Variants in RHBDD1 observed in about 807,000 individuals in gnomAD.
RHBDD1 encodes the protein rhomboid-related protein 4.
RHBDD1 carries 38 observed loss-of-function variants against 36.3 expected under a neutral mutation model. That is an observed-to-expected ratio of 1.05 (90% confidence interval 0.81 to 1.37). The LOEUF (loss-of-function observed/expected upper bound fraction) is 1.37. Among genes scored for constraint, RHBDD1 ranks in the 40% most tolerant of loss-of-function variants. The pLI, the probability that RHBDD1 is intolerant of heterozygous loss-of-function variation, is 0.00. For missense variants in RHBDD1, 393 were observed against 377.6 expected (o/e 1.04, Z -0.34); for synonymous variants, 151 against 136.5 (o/e 1.11, Z -0.74).
At chr2:226,888,465 C>G (rs542063337) in intron 5 of RHBDD1, among the ~76,000 whole-genome samples, 57 of 151,202 alleles carry the variant, frequency 3.8e-4, no homozygotes, top group Middle Eastern at 6.8e-3. Flanking sequence ...ACTTAAAAAT[C>G]CAAACCACCA....
At position 226,918,114 on chromosome 2, in the gene RHBDD1, A is replaced by G. The variant is rs367612275; in HGVS notation, c.856+3763A>G. ...AAAGACTTATAAGTGACCAGTGTGC[A>G]TCTAAAAATAATTTGCTGTATATTA... On this transcript the variant is annotated intron_variant, in intron 8 of 8. Coordinates refer to ENST00000392062, the MANE Select transcript of RHBDD1 (RefSeq NM_001167608.3). Among the ~76,000 whole-genome samples the G allele has an allele frequency of 3.9e-4, 60 of 152,204 alleles. No individual in the cohort carries two copies. The South Asian group carries it at 9.3e-3, about 24-fold the overall frequency.
chr2:226,959,971 T>C (rs1048177779), intron 8 of RHBDD1, among the ~76,000 whole-genome samples: 1 of 152,092 alleles, frequency 6.6e-6, no homozygotes, highest in Admixed American at 6.5e-5. Context: ...TACAGGCACC[T>C]GCCACCATGC....
chr2:226,820,120 C>CT, the RHBDD1 span, among the ~76,000 whole-genome samples: 1 of 151,860 alleles, frequency 6.6e-6, no homozygotes, highest in East Asian at 1.9e-4. Flanking sequence ...GAACTAGTTA[C>CT]TTTGTTTCTG....
At chr2:226,967,046 G>T (rs943436426) in intron 8 of RHBDD1, among the ~76,000 whole-genome samples, 3 of 152,142 alleles carry the variant, frequency 2.0e-5, no homozygotes, top group Non-Finnish European at 4.4e-5. Context: ...CTGGGATGAG[G>T]TCTGAGAATT....
At chr2:226,893,859 C>CTCA (rs376172323) in intron 5 of RHBDD1, among the ~76,000 whole-genome samples, 202 of 152,312 alleles carry the variant, frequency 1.3e-3, no homozygotes, top group African/African-American at 4.4e-3. Flanking sequence ...CACAGCACTA[C>CTCA]TGACCCCCAG....
intron 5 of RHBDD1, among the ~76,000 whole-genome samples, chr2:226,891,372 A>G (rs1362401292): frequency 1.3e-5 from 2 of 152,216 alleles, no homozygotes; most frequent in Non-Finnish European, 2.9e-5. Flanking sequence ...TTCCTTCAGC[A>G]AAGAAGAGTC....
intron 8 of RHBDD1, among the ~76,000 whole-genome samples, chr2:226,937,412 G>A (rs1013051627): frequency 6.6e-6 from 1 of 151,942 alleles, no homozygotes; most frequent in African/African-American, 2.4e-5. Flanking sequence ...TTTAATTTGA[G>A]CCTTTCTAAT....
At chr2:226,865,721 G>A (rs994765615) in intron 4 of RHBDD1, among the ~76,000 whole-genome samples, 17 of 152,166 alleles carry the variant, frequency 1.1e-4, no homozygotes, top group African/African-American at 4.1e-4. Flanking sequence ...TACAAACCTA[G>A]GAATCACATG....
At chr2:226,821,457 G>A in the RHBDD1 span, among the ~76,000 whole-genome samples, 3 of 151,834 alleles carry the variant, frequency 2.0e-5, no homozygotes, top group South Asian at 6.2e-4. Context: ...CCTGCCCCCT[G>A]CCCCATGACT....
chr2:226,984,582 C>G lies in RHBDD1; in HGVS notation c.857-10849C>G, dbSNP rs570884893. Among the ~76,000 whole-genome samples, 68 of 152,306 alleles carry G rather than the reference C, an allele frequency of 4.5e-4. 1 individual carries two copies. Among genetic ancestry groups the G allele is most frequent in the Middle Eastern group, 6.8e-3 (2 of 294 alleles). On this transcript the variant is annotated intron_variant, in intron 8 of 8. Transcript: ENST00000392062. Reference sequence around the variant, plus strand: ...TTTTGAGGGAACACAAATATTGAGTCCATGACAGCCTTCGTGACCTCTCTG... The same window carrying G: ...TTTTGAGGGAACACAAATATTGAGTGCATGACAGCCTTCGTGACCTCTCTG...
At chr2:226,805,131 A>G in the RHBDD1 span, 3 of 152,162 alleles carry the variant, frequency 2.0e-5, no homozygotes, top group East Asian at 3.8e-4. Flanking sequence ...CTGCCAGTCA[A>G]TTTGTTATCT....
rs145622652 is a variant in RHBDD1 at position 226,849,008 on chromosome 2, ATTTC to A, written c.-91+9385_-91+9388del. Among the ~76,000 whole-genome samples, 379 of 152,186 alleles carry A rather than the reference ATTTC, an allele frequency of 2.5e-3. 1 individual carries two copies. The highest frequency in any genetic ancestry group is 8.0e-3 in the African/African-American group (334 of 41,514). The stretch of plus-strand genomic sequence containing the variant: ...AACTATCAATCAGTAGCAAAATGGG[ATTTC>A]TTTTTCAGTCATTAAAAAATAGCTG... On this transcript the variant is annotated intron_variant, in intron 3 of 8. Transcript: ENST00000392062.
intron 8 of RHBDD1, among the ~76,000 whole-genome samples, chr2:226,921,743 T>A (rs1220926839): frequency 2.0e-5 from 3 of 152,208 alleles, no homozygotes; most frequent in Non-Finnish European, 4.4e-5. Flanking sequence ...TATACTTTTT[T>A]GTGGCCTAAC....
intron 8 of RHBDD1, among the ~76,000 whole-genome samples, chr2:226,926,551 C>G (rs1949684229): frequency 6.6e-6 from 1 of 152,140 alleles, no homozygotes; most frequent in Non-Finnish European, 1.5e-5. Flanking sequence ...TATATTGGCA[C>G]TTACATTTGA....
the RHBDD1 span, among the ~76,000 whole-genome samples, chr2:226,801,288 G>C: frequency 1.3e-5 from 2 of 152,318 alleles, no homozygotes; most frequent in East Asian, 3.9e-4. Context: ...CTGATTGGTG[G>C]GATGGCCTGT....
chr2:226,919,148 G>A (rs1172086710), intron 8 of RHBDD1, among the ~76,000 whole-genome samples: 1 of 151,880 alleles, frequency 6.6e-6, no homozygotes, highest in South Asian at 2.1e-4. Context: ...CTTTTGCACA[G>A]TTTAAAAATT....
At chr2:226,904,414 C>CGGGGGGGGGGGGG (rs1294372074) in intron 5 of RHBDD1, among the ~76,000 whole-genome samples, 1 of 46,590 alleles carries the variant, frequency 2.1e-5, no homozygotes, top group African/African-American at 9.5e-5. Context: ...ATCCTGCAAG[C>CGGGGGGGGGGGGG]GGGGGGGGAG....
the RHBDD1 span, among the ~76,000 whole-genome samples, chr2:226,830,328 C>G: frequency 1.3e-5 from 2 of 152,130 alleles, no homozygotes; most frequent in Non-Finnish European, 2.9e-5. Flanking sequence ...AGCAGGCACT[C>G]ATCAATCTGC....
intron 8 of RHBDD1, among the ~76,000 whole-genome samples, chr2:226,973,237 G>T (rs1329341299): frequency 1.3e-5 from 2 of 152,204 alleles, no homozygotes; most frequent in African/African-American, 2.4e-5. Context: ...TTAATTTGTA[G>T]CAGGAATCCC....
Sources: allele counts gnomAD v4.1 joint callset (sites outside exome capture counted in the v4.1 genomes callset), GRCh38; gene constraint gnomAD v4.1.1; transcripts MANE v1.5; gene names NCBI Gene and HGNC (gene_info 2026-07-23, HGNC 2026-07-21).